The following CCSER1 variants were observed in gnomAD, a reference collection of about 807,000 sequenced individuals.
CCSER1 encodes the protein coiled-coil serine rich protein 1.
Under a neutral mutation model 82.0 loss-of-function variants are expected in CCSER1, and 41 were observed. That is an observed-to-expected ratio of 0.50 (90% CI 0.39 to 0.65). CCSER1 has a LOEUF of 0.65. CCSER1 is among the 30% of genes least tolerant of loss of function. The pLI is 0.00. For synonymous variants in CCSER1, 414 were observed against 383.9 expected, an observed-to-expected ratio of 1.08 and a Z score of -0.92; for missense variants, 1,119 against 1,064.2, an observed-to-expected ratio of 1.05 and a Z score of -0.72.
intron 7 of CCSER1, among the ~76,000 whole-genome samples, chr4:90,748,046 T>TA (rs1747823883): frequency 6.8e-6 from 1 of 146,640 alleles, no homozygotes; most frequent in Non-Finnish European, 1.5e-5. Flanking sequence ...TTCTTTTTTT[T>TA]TTATTATACT....
intron 4 of CCSER1, among the ~76,000 whole-genome samples, chr4:90,445,876 C>T (rs1182049929): frequency 6.6e-6 from 1 of 152,078 alleles, no homozygotes; most frequent in Non-Finnish European, 1.5e-5. Context: ...TTTTATTTAA[C>T]TCATTGAACT....
At chr4:90,938,692 C>T (rs1458878440) in intron 9 of CCSER1, 2 of 410,664 alleles carry the variant, frequency 4.9e-6, no homozygotes, top group East Asian at 1.4e-4. Context: ...TGGAATCCTA[C>T]ATGCACTGAA....
chr4:91,172,256 G>A (rs879864639), intron 10 of CCSER1, among the ~76,000 whole-genome samples: 2 of 152,168 alleles, frequency 1.3e-5, no homozygotes, highest in Non-Finnish European at 2.9e-5. Flanking sequence ...AACTGGAAGA[G>A]TAGGGATATA....
intron 9 of CCSER1, among the ~76,000 whole-genome samples, chr4:91,003,035 C>T (rs2150481230): frequency 1.3e-5 from 2 of 152,202 alleles, no homozygotes; most frequent in Middle Eastern, 6.8e-3. Context: ...TCTAGCCACC[C>T]AGTAGGTCTA....
intron 10 of CCSER1, among the ~76,000 whole-genome samples, chr4:91,355,759 G>A (rs559049354): frequency 6.6e-6 from 1 of 152,120 alleles, no homozygotes; most frequent in Non-Finnish European, 1.5e-5. Flanking sequence ...ACTTTGCAGG[G>A]GCTGGCGAAG....
At chr4:90,411,580 G>T (rs557007199) in intron 4 of CCSER1, among the ~76,000 whole-genome samples, 2 of 152,146 alleles carry the variant, frequency 1.3e-5, no homozygotes, top group Admixed American at 1.3e-4. Context: ...ACAACACTTC[G>T]TGCTAAAAAC....
intron 9 of CCSER1, among the ~76,000 whole-genome samples, chr4:91,073,805 A>G (rs974360165): frequency 6.6e-6 from 1 of 152,140 alleles, no homozygotes; most frequent in African/African-American, 2.4e-5. Flanking sequence ...AACCTGTAAA[A>G]GGACCAATAT....
At chr4:91,077,973 C>G (rs1418456981) in intron 9 of CCSER1, among the ~76,000 whole-genome samples, 1 of 152,248 alleles carries the variant, frequency 6.6e-6, no homozygotes, top group Non-Finnish European at 1.5e-5. Context: ...CCCACCACAG[C>G]TCAAGGAGGC....
At chr4:90,879,858 T>C (rs1315618721) in intron 8 of CCSER1, among the ~76,000 whole-genome samples, 1 of 152,170 alleles carries the variant, frequency 6.6e-6, no homozygotes, top group Non-Finnish European at 1.5e-5. Context: ...ATTGAGTCAA[T>C]AGATACAGTA....
At chr4:90,797,053 G>A (rs1756137669) in intron 7 of CCSER1, among the ~76,000 whole-genome samples, 3 of 151,998 alleles carry the variant, frequency 2.0e-5, no homozygotes, top group African/African-American at 7.2e-5. Flanking sequence ...CTTATTTTCT[G>A]TCTTGGTGAT....
chr4:90,884,231 G>A lies in CCSER1; in HGVS notation c.2095-39139G>A, dbSNP rs371724486. 2.3e-3 allele frequency among the ~76,000 whole-genome samples: 353 copies of A among 152,128 alleles called. 3 individuals are homozygous for A. The highest frequency in any genetic ancestry group is 8.0e-3 in the African/African-American group (333 of 41,514). ...TGCCAAGATGAACAAAAAAGATTTT[G>A]CATGCATAATATTTGGCATATAGTA... On this transcript the variant is annotated intron_variant, in intron 8 of 10. Transcript: ENST00000509176.
chr4:91,416,341 GA>G lies in CCSER1; in HGVS notation c.2218-182221del, dbSNP rs60514294. 9.0e-4 allele frequency among the ~76,000 whole-genome samples: 132 copies of G among 146,426 alleles called. 2 individuals carry two copies. Among genetic ancestry groups the G allele is most frequent in the Admixed American group, 6.9e-4 (10 of 14,586 alleles). On this transcript the variant is annotated intron_variant, in intron 10 of 10. Coordinates refer to ENST00000509176, the MANE Select transcript of CCSER1 (RefSeq NM_001145065.2). ...ACCATTGACATTCTTCACAGAATTA[GA>G]AAAAAAAAACTATTTTAAAAATCAG...
chr4:90,616,217 T>A (rs1465268208), intron 5 of CCSER1, among the ~76,000 whole-genome samples: 4 of 152,202 alleles, frequency 2.6e-5, no homozygotes. Flanking sequence ...TATTGAAATA[T>A]TTGCTTATTG....
intron 10 of CCSER1, among the ~76,000 whole-genome samples, chr4:91,098,277 T>C (rs1487029883): frequency 6.6e-6 from 1 of 152,232 alleles, no homozygotes; most frequent in Non-Finnish European, 1.5e-5. Context: ...TAAATATTTC[T>C]ACTTGAAATT....
chr4:91,210,957 T>C (rs992496594), intron 10 of CCSER1, among the ~76,000 whole-genome samples: 9 of 152,022 alleles, frequency 5.9e-5, no homozygotes, highest in South Asian at 2.1e-4. Context: ...TGACAACTTA[T>C]TCTAAAATGG....
At chr4:90,858,966 A>G (rs1420171028) in intron 8 of CCSER1, among the ~76,000 whole-genome samples, 2 of 151,878 alleles carry the variant, frequency 1.3e-5, no homozygotes, top group Non-Finnish European at 2.9e-5. Flanking sequence ...AGGTCAAAAG[A>G]TATTTTGCAG....
intron 10 of CCSER1, among the ~76,000 whole-genome samples, chr4:91,557,579 G>C (rs1199420980): frequency 6.6e-6 from 1 of 151,328 alleles, no homozygotes; most frequent in African/African-American, 2.4e-5. Context: ...GTATAGATGA[G>C]GAATGGGATT....
intron 10 of CCSER1, among the ~76,000 whole-genome samples, chr4:91,540,338 T>A (rs1761521726): frequency 6.6e-6 from 1 of 152,146 alleles, no homozygotes; most frequent in African/African-American, 2.4e-5. Flanking sequence ...CACTGTAATA[T>A]CATGTAGAAT....
chr4:90,718,589 T>C (rs1461477877), intron 6 of CCSER1, among the ~76,000 whole-genome samples: 1 of 152,138 alleles, frequency 6.6e-6, no homozygotes, highest in Non-Finnish European at 1.5e-5. Flanking sequence ...ACATCAGCTT[T>C]TCTGGGAGAA....
Sources: gnomAD v4.1 joint callset for allele counts (sites outside exome capture counted in the v4.1 genomes callset) on GRCh38, gnomAD v4.1.1 for gene constraint, MANE v1.5 for transcripts, NCBI Gene and HGNC (gene_info 2026-07-23, HGNC 2026-07-21) for gene names.